ACOXL: variants seen among roughly 807,000 people sequenced by gnomAD.
ACOXL encodes the protein acyl-CoA oxidase like, also known as acyl-coenzyme A oxidase-like protein.
In ACOXL, 70 loss-of-function variants were observed where a neutral mutation model predicts 71.9. The ratio of observed to expected loss-of-function variants is 0.97; its 90% CI spans 0.80 to 1.19. The LOEUF (loss-of-function observed/expected upper bound fraction) is 1.19. Among genes scored for constraint, ACOXL ranks in the 50% most tolerant of loss-of-function variants. ACOXL has a pLI of 0.00. For synonymous variants in ACOXL, 253 were observed against 281.6 expected, an observed-to-expected ratio of 0.90 and a Z score of 1.02; for missense variants, 703 against 736.3, an observed-to-expected ratio of 0.95 and a Z score of 0.52.
At chr2:110,756,176 G>C (rs1679668700) in intron 1 of ACOXL, among the ~76,000 whole-genome samples, 1 of 152,036 alleles carries the variant, frequency 6.6e-6, no homozygotes, top group African/African-American at 2.4e-5. Context: ...GCCCAGGCTG[G>C]AGTGCAATGG....
At chr2:111,005,896 A>G (rs1337255184) in intron 14 of ACOXL, among the ~76,000 whole-genome samples, 1 of 152,190 alleles carries the variant, frequency 6.6e-6, no homozygotes, top group Admixed American at 6.5e-5. Flanking sequence ...GTCGGTTTGT[A>G]CTGCTCTGAG....
At chr2:110,990,290 T>G (rs2149567616) in intron 13 of ACOXL, among the ~76,000 whole-genome samples, 1 of 152,328 alleles carries the variant, frequency 6.6e-6, no homozygotes, top group East Asian at 1.9e-4. Flanking sequence ...ACTGGTTACT[T>G]TATAATTTTG....
At chr2:110,786,561 A>C (rs1259801661) in intron 3 of ACOXL, among the ~76,000 whole-genome samples, 1 of 152,164 alleles carries the variant, frequency 6.6e-6, no homozygotes, top group Non-Finnish European at 1.5e-5. Context: ...TTGTGCTTTT[A>C]CCATGTTGCA....
chr2:110,770,085 C>T (rs553659407), intron 2 of ACOXL, among the ~76,000 whole-genome samples: 1 of 152,186 alleles, frequency 6.6e-6, no homozygotes, highest in East Asian at 1.9e-4. Flanking sequence ...CACCACCCGC[C>T]CTCTGAGACC....
At chr2:110,739,690 C>A (rs1489815221) in intron 1 of ACOXL, among the ~76,000 whole-genome samples, 1 of 152,288 alleles carries the variant, frequency 6.6e-6, no homozygotes, top group Admixed American at 6.5e-5. Flanking sequence ...GGAGAGGGGA[C>A]TTGAGGATGC....
intron 14 of ACOXL, among the ~76,000 whole-genome samples, chr2:111,030,445 G>A (rs2065212754): frequency 6.6e-6 from 1 of 152,176 alleles, no homozygotes; most frequent in Non-Finnish European, 1.5e-5. Flanking sequence ...TGTGGATCCC[G>A]AGGCACCCAT....
chr2:110,881,886 A>G (rs1459393611), intron 10 of ACOXL, among the ~76,000 whole-genome samples: 2 of 137,272 alleles, frequency 1.5e-5, no homozygotes, highest in Non-Finnish European at 3.2e-5. Context: ...CCTGAGGGAC[A>G]TTGGGTTTTT....
In ACOXL at chr2:110,886,754, A is replaced by G. The variant is rs1177080368; in HGVS notation, c.789-22035A>G. 5.8e-6 allele frequency: 9 copies of G among 1,550,604 alleles called. No individual in the cohort carries two copies. The Admixed American group carries it at 5.9e-5, about 10-fold the overall frequency. On this transcript the variant is annotated intron_variant, in intron 10 of 17. Transcript: ENST00000439055. ...TTGCGGAAGAACTGAATTTGTTGCC[A>G]TCTCACTTTTCTGTCCCTTTTTCTA...
intron 12 of ACOXL, among the ~76,000 whole-genome samples, chr2:110,965,819 G>A (rs2061900926): frequency 6.6e-6 from 1 of 152,122 alleles, no homozygotes; most frequent in Non-Finnish European, 1.5e-5. Context: ...CTTGAACAAT[G>A]AAACAGCAAT....
chr2:110,879,619 A>C (rs1168083722), intron 10 of ACOXL, among the ~76,000 whole-genome samples: 1 of 152,212 alleles, frequency 6.6e-6, no homozygotes, highest in Admixed American at 6.5e-5. Flanking sequence ...CAAATGTTGA[A>C]ATCAGTAACG....
chr2:110,795,114 C>T (rs73956459), intron 5 of ACOXL, among the ~76,000 whole-genome samples: 1,864 of 152,312 alleles, frequency 0.012, 43 homozygotes, highest in African/African-American at 0.043. Context: ...CGTGCCCGAG[C>T]GTGGCTGCGG....
chr2:110,849,794 C>T (rs1692382840), intron 10 of ACOXL, among the ~76,000 whole-genome samples: 1 of 151,886 alleles, frequency 6.6e-6, no homozygotes, highest in Admixed American at 6.6e-5. Context: ...CAGAACTAGA[C>T]CAGCCAAGCA....
rs181005082 is a variant in ACOXL, at chr2:110,762,576, C to T, written c.-22-5792C>T. On this transcript the variant is annotated intron_variant, in intron 1 of 17. Coordinates refer to ENST00000439055, the MANE Select transcript of ACOXL (RefSeq NM_001142807.4). ...TTTATCATAGTTTACTAGTATTGTC[C>T]TACCACTTTGAGTGAAGTATAGAAA... 5.3e-5 allele frequency among the ~76,000 whole-genome samples: 8 copies of T among 152,208 alleles called. No homozygotes were observed. In the East Asian group the frequency reaches 1.5e-3, roughly 29 times the overall value.
chr2:110,821,629 A>G (rs1688610600), intron 9 of ACOXL, among the ~76,000 whole-genome samples: 1 of 152,192 alleles, frequency 6.6e-6, no homozygotes, highest in Admixed American at 6.5e-5. Context: ...TGTACTCTAA[A>G]GTTACTCTTT....
chr2:110,874,712 G>C (rs1006384328), intron 10 of ACOXL, among the ~76,000 whole-genome samples: 1 of 152,226 alleles, frequency 6.6e-6, no homozygotes, highest in African/African-American at 2.4e-5. Context: ...AGTTAGAGCA[G>C]AGCAGAGCTC....
intron 16 of ACOXL, among the ~76,000 whole-genome samples, chr2:111,084,258 TACACACACACAC>T (rs61263209): frequency 0.053 from 7,097 of 134,988 alleles, 252 homozygotes; most frequent in Admixed American, 0.084. Flanking sequence ...ATCTAAGGAA[TACACACACACAC>T]ACACACACAC....
intron 12 of ACOXL, among the ~76,000 whole-genome samples, chr2:110,978,584 A>T (rs961085282): frequency 6.6e-6 from 1 of 152,160 alleles, no homozygotes; most frequent in African/African-American, 2.4e-5. Context: ...GTCACATGTT[A>T]TTAGGGCTGT....
At chr2:110,825,617 CAG>C (rs903441264) in intron 9 of ACOXL, among the ~76,000 whole-genome samples, 3 of 152,056 alleles carry the variant, frequency 2.0e-5, no homozygotes, top group African/African-American at 4.8e-5. Context: ...ATGAATCAAA[CAG>C]GGGATTTCAA....
At chr2:110,776,879 CA>C (rs1682716990) in intron 2 of ACOXL, among the ~76,000 whole-genome samples, 1 of 151,730 alleles carries the variant, frequency 6.6e-6, no homozygotes, top group Admixed American at 6.6e-5. Flanking sequence ...GCTGAGCAGT[CA>C]CCAGGGAGAG....
Sources: allele counts gnomAD v4.1 joint callset (sites outside exome capture counted in the v4.1 genomes callset), GRCh38; gene constraint gnomAD v4.1.1; transcripts MANE v1.5; gene names NCBI Gene and HGNC (gene_info 2026-07-23, HGNC 2026-07-21).